The following CNTNAP2 variants were observed in gnomAD, a reference collection of about 807,000 sequenced individuals.
The protein encoded by CNTNAP2 is contactin-associated protein-like 2.
A neutral mutation model predicts 155.2 loss-of-function variants in CNTNAP2; 98 were observed. The observed-to-expected ratio is 0.63, with a 90% confidence interval of 0.54 to 0.75. CNTNAP2 has a LOEUF of 0.75. Among genes scored for constraint, CNTNAP2 ranks in the 30% least tolerant of loss-of-function variants. CNTNAP2 has a pLI of 0.00. For missense variants in CNTNAP2, 1,727 were observed against 1,688.1 expected, an observed-to-expected ratio of 1.02 and a Z score of -0.40; for synonymous variants, 651 against 631.2, an observed-to-expected ratio of 1.03 and a Z score of -0.47.
intron 13 of CNTNAP2, among the ~76,000 whole-genome samples, chr7:147,887,697 A>G (rs1237717948): frequency 1.3e-5 from 2 of 152,172 alleles, no homozygotes; most frequent in Non-Finnish European, 2.9e-5. Context: ...ATGCCAAGTA[A>G]TAAATTATAT....
At chr7:146,617,867 T>A (rs1050595863) in intron 1 of CNTNAP2, among the ~76,000 whole-genome samples, 3 of 152,168 alleles carry the variant, frequency 2.0e-5, no homozygotes, top group Non-Finnish European at 2.9e-5. Context: ...AAAATGACTA[T>A]GATAAAATAC....
chr7:147,028,694 A>G (rs1798968605), intron 3 of CNTNAP2, among the ~76,000 whole-genome samples: 2 of 152,186 alleles, frequency 1.3e-5, no homozygotes, highest in South Asian at 4.1e-4. Flanking sequence ...GATTAGACTG[A>G]TTATGCATAA....
intron 12 of CNTNAP2, among the ~76,000 whole-genome samples, chr7:147,595,439 C>G (rs1344703510): frequency 6.6e-6 from 1 of 152,160 alleles, no homozygotes; most frequent in Non-Finnish European, 1.5e-5. Context: ...AAATGTTACT[C>G]TATCCAACAT....
intron 12 of CNTNAP2, among the ~76,000 whole-genome samples, chr7:147,579,928 A>G (rs562885565): frequency 3.9e-5 from 6 of 152,310 alleles, no homozygotes; most frequent in Admixed American, 6.5e-5. Context: ...AACTTGTATG[A>G]CCTTAGACCA....
At chr7:146,181,436 A>T (rs997257926) in intron 1 of CNTNAP2, among the ~76,000 whole-genome samples, 12 of 152,232 alleles carry the variant, frequency 7.9e-5, no homozygotes, top group African/African-American at 2.7e-4. Flanking sequence ...TTCTAATAAG[A>T]GTAGCACAAG....
chr7:147,859,531 G>A (rs1799102379), intron 13 of CNTNAP2, among the ~76,000 whole-genome samples: 1 of 117,682 alleles, frequency 8.5e-6, no homozygotes, highest in Admixed American at 9.1e-5. Flanking sequence ...GGAGCTATTT[G>A]AAAACCAGAG....
chr7:147,766,213 GT>G (rs1397456976), intron 13 of CNTNAP2, among the ~76,000 whole-genome samples: 1 of 152,054 alleles, frequency 6.6e-6, no homozygotes, highest in Admixed American at 6.6e-5. Context: ...ATCTCTTATG[GT>G]ATGTAAATTA....
At chr7:146,614,610 A>G (rs1799194039) in intron 1 of CNTNAP2, among the ~76,000 whole-genome samples, 1 of 152,220 alleles carries the variant, frequency 6.6e-6, no homozygotes, top group Admixed American at 6.5e-5. Flanking sequence ...GCAAACCTGC[A>G]GGGAAAATGG....
At position 147,148,990 on chromosome 7, in the gene CNTNAP2, G is replaced by A. The variant is rs143589361; in HGVS notation, c.1348+16481G>A. ...AGCAGCAAGATTTATTGTGAAGAGC[G>A]AAAGAACACATCTTCCACAGCATGG... On this transcript the variant is annotated intron_variant, in intron 8 of 23. Coordinates refer to ENST00000361727, the MANE Select transcript of CNTNAP2 (RefSeq NM_014141.6). Among the ~76,000 whole-genome samples the A allele has an allele frequency of 5.8e-3, 882 of 152,316 alleles. 11 individuals carry two copies. The highest frequency in any genetic ancestry group is 0.019 in the African/African-American group (807 of 41,572).
chr7:146,157,432 G>A (rs1411946009), intron 1 of CNTNAP2, among the ~76,000 whole-genome samples: 1 of 152,036 alleles, frequency 6.6e-6, no homozygotes, highest in Non-Finnish European at 1.5e-5. Context: ...AGAGCAGGGT[G>A]GGACATTGCC....
intron 10 of CNTNAP2, among the ~76,000 whole-genome samples, chr7:147,398,994 A>G (rs758030751): frequency 1.3e-4 from 20 of 151,946 alleles, no homozygotes; most frequent in Non-Finnish European, 2.8e-4. Context: ...TGACCAGGAT[A>G]AGCCTCCGTT....
chr7:146,528,728 T>A (rs147168425), intron 1 of CNTNAP2, among the ~76,000 whole-genome samples: 1 of 152,194 alleles, frequency 6.6e-6, no homozygotes, highest in East Asian at 1.9e-4. Flanking sequence ...GGCCACATAG[T>A]CATCAATGGT....
chr7:146,803,627 T>C (rs115332343), intron 2 of CNTNAP2, among the ~76,000 whole-genome samples: 377 of 152,298 alleles, frequency 2.5e-3, no homozygotes, highest in African/African-American at 8.4e-3. Context: ...GGAATTAGTC[T>C]AGCAGGAGCT....
intron 1 of CNTNAP2, among the ~76,000 whole-genome samples, chr7:146,763,701 T>C (rs1802144942): frequency 6.6e-6 from 1 of 152,246 alleles, no homozygotes; most frequent in Non-Finnish European, 1.5e-5. Flanking sequence ...AGTACCATGA[T>C]TGACATTTTG....
At chr7:147,988,728 G>A (rs550145395) in intron 15 of CNTNAP2, among the ~76,000 whole-genome samples, 5 of 152,098 alleles carry the variant, frequency 3.3e-5, no homozygotes, top group Non-Finnish European at 4.4e-5. Context: ...AGATGCAGGC[G>A]GGAGATTTCT....
At chr7:146,677,930 G>A (rs779623236) in intron 1 of CNTNAP2, among the ~76,000 whole-genome samples, 5 of 151,920 alleles carry the variant, frequency 3.3e-5, no homozygotes, top group Admixed American at 6.6e-5. Context: ...GATGTCCCAC[G>A]CTCATATCTC....
chr7:148,046,129 G>C (rs1802769893), intron 15 of CNTNAP2, among the ~76,000 whole-genome samples: 1 of 152,116 alleles, frequency 6.6e-6, no homozygotes, highest in Non-Finnish European at 1.5e-5. Context: ...TGCCCAGGCT[G>C]GAATGCAGTA....
At chr7:146,298,450 G>A (rs964548475) in intron 1 of CNTNAP2, among the ~76,000 whole-genome samples, 1 of 152,078 alleles carries the variant, frequency 6.6e-6, no homozygotes, top group Non-Finnish European at 1.5e-5. Flanking sequence ...AAAACCTTAG[G>A]AAAAGTTTGG....
chr7:148,340,643 C>T (rs1455993811), intron 21 of CNTNAP2, among the ~76,000 whole-genome samples: 2 of 152,210 alleles, frequency 1.3e-5, no homozygotes, highest in African/African-American at 4.8e-5. Flanking sequence ...TTCAGACGTT[C>T]ACAGCTTTCT....
Sources: allele counts gnomAD v4.1 joint callset (sites outside exome capture counted in the v4.1 genomes callset), GRCh38; gene constraint gnomAD v4.1.1; transcripts MANE v1.5; gene names NCBI Gene and HGNC (gene_info 2026-07-23, HGNC 2026-07-21).